PLCB1: variants seen among roughly 807,000 people sequenced by gnomAD.
The protein encoded by PLCB1 is 1-phosphatidylinositol 4,5-bisphosphate phosphodiesterase beta-1.
A neutral mutation model predicts 161.8 loss-of-function variants in PLCB1; 46 were observed. The observed-to-expected ratio is 0.28, with a 90% CI of 0.22 to 0.36. PLCB1 has a LOEUF of 0.36. Ranked by LOEUF, PLCB1 falls within the 10% of genes least tolerant of loss-of-function variation. The pLI is 1.00. For missense variants in PLCB1, 1,016 were observed against 1,472.5 expected (o/e 0.69, Z 5.07); for synonymous variants, 517 against 503.7 (o/e 1.03, Z -0.35).
At chr20:8,345,336 G>T (rs1313010577) in intron 2 of PLCB1, among the ~76,000 whole-genome samples, 1 of 152,142 alleles carries the variant, frequency 6.6e-6, no homozygotes, top group Non-Finnish European at 1.5e-5. Flanking sequence ...CAAGCCGGGG[G>T]TTTAGAACAT....
rs191912800 is a variant in PLCB1, at chr20:8,221,252, T to C, written c.177+70881T>C. ...CTTAAAAAAAGAAAGGTGACGGTTT[T>C]CATTTTGATTCAGGACTCGATCACC... is the stretch of plus-strand genomic sequence containing the variant. On this transcript the variant is annotated intron_variant, in intron 2 of 31. Transcript: ENST00000338037. Among the ~76,000 whole-genome samples the C allele has an allele frequency of 4.3e-3, 656 of 152,278 alleles. 1 individual carries two copies. Among genetic ancestry groups the C allele is most frequent in the African/African-American group, 0.015 (616 of 41,562 alleles).
rs542551104 is a variant in PLCB1, at chr20:8,288,627, G to A, written c.178-82755G>A. Among the ~76,000 whole-genome samples the A allele has an allele frequency of 7.0e-4, 106 of 152,176 alleles. 1 individual carries two copies. The highest frequency in any genetic ancestry group is 2.4e-3 in the African/African-American group (101 of 41,522). ...ATGCATAAACTTCCAGGCATCTTCGGCCAGGGTGGTACTCCTCAGCCAACA... is the reference window on the plus strand; with the variant it reads ...ATGCATAAACTTCCAGGCATCTTCGACCAGGGTGGTACTCCTCAGCCAACA... On this transcript the variant is annotated intron_variant, in intron 2 of 31. Coordinates refer to ENST00000338037, the MANE Select transcript of PLCB1 (RefSeq NM_015192.4).
At chr20:8,433,676 T>A (rs534956029) in intron 3 of PLCB1, among the ~76,000 whole-genome samples, 1 of 146,826 alleles carries the variant, frequency 6.8e-6, no homozygotes, top group African/African-American at 2.6e-5. Context: ...GAGTTAATGT[T>A]CAGTAAATGA....
At chr20:8,489,161 G>T (rs911452072) in intron 3 of PLCB1, among the ~76,000 whole-genome samples, 10 of 152,070 alleles carry the variant, frequency 6.6e-5, no homozygotes, top group Non-Finnish European at 1.5e-4. Flanking sequence ...TTCCTAAGAG[G>T]ATACGTCTAT....
chr20:8,347,576 T>C (rs1401712812), intron 2 of PLCB1, among the ~76,000 whole-genome samples: 1 of 152,238 alleles, frequency 6.6e-6, no homozygotes, highest in African/African-American at 2.4e-5. Flanking sequence ...CCTATGTAAG[T>C]AATTGATAGA....
chr20:8,717,979 A>T, intron 14 of PLCB1, 131 bp downstream of exon 14: 1 of 710,122 alleles, frequency 1.4e-6, no homozygotes, highest in Non-Finnish European at 2.1e-6. Flanking sequence ...TTATGAGGTC[A>T]GGAGTTCGAG....
At chr20:8,748,985 G>A (rs1981314945) in intron 23 of PLCB1, among the ~76,000 whole-genome samples, 1 of 152,132 alleles carries the variant, frequency 6.6e-6, no homozygotes, top group South Asian at 2.1e-4. Context: ...CAGATCACTT[G>A]AGAATCTTGT....
chr20:8,755,435 T>C (rs1331032025), intron 23 of PLCB1, among the ~76,000 whole-genome samples: 1 of 152,202 alleles, frequency 6.6e-6, no homozygotes, highest in Non-Finnish European at 1.5e-5. Context: ...GATAGCCTCA[T>C]TGTCAGTAAA....
chr20:8,660,541 C>T (rs1443100442), intron 9 of PLCB1, among the ~76,000 whole-genome samples: 2 of 152,086 alleles, frequency 1.3e-5, no homozygotes, highest in Non-Finnish European at 2.9e-5. Flanking sequence ...CAGGCTTCAG[C>T]TGGTATCCAA....
At chr20:8,492,807 A>G (rs1318041988) in intron 3 of PLCB1, among the ~76,000 whole-genome samples, 2 of 149,374 alleles carry the variant, frequency 1.3e-5, no homozygotes, top group Non-Finnish European at 3.0e-5. Context: ...ATTTGTTTTC[A>G]TGACTCAATT....
intron 10 of PLCB1, among the ~76,000 whole-genome samples, chr20:8,685,301 GTCT>G (rs1381005366): frequency 1.7e-5 from 2 of 114,974 alleles, no homozygotes; most frequent in Non-Finnish European, 4.0e-5. Context: ...AAGTTTTTAA[GTCT>G]TCTAAAATGC....
At chr20:8,754,227 T>C (rs1451763305) in intron 23 of PLCB1, among the ~76,000 whole-genome samples, 2 of 152,206 alleles carry the variant, frequency 1.3e-5, no homozygotes, top group Non-Finnish European at 2.9e-5. Flanking sequence ...AAGCAGAGAT[T>C]TATTTTTTCC....
intron 31 of PLCB1, among the ~76,000 whole-genome samples, chr20:8,811,253 G>A (rs960279541): frequency 3.3e-5 from 5 of 152,192 alleles, no homozygotes; most frequent in Non-Finnish European, 7.3e-5. Context: ...GATTAAACAG[G>A]AGACCAGGAA....
chr20:8,218,962 C>T (rs1286472212), intron 2 of PLCB1, among the ~76,000 whole-genome samples: 1 of 152,158 alleles, frequency 6.6e-6, no homozygotes, highest in African/African-American at 2.4e-5. Flanking sequence ...TTTTATTCTA[C>T]ACTGGATTTC....
intron 1 of PLCB1, among the ~76,000 whole-genome samples, chr20:8,138,858 T>C (rs1314952484): frequency 1.3e-5 from 2 of 152,174 alleles, no homozygotes; most frequent in Non-Finnish European, 2.9e-5. Flanking sequence ...ATGTGTTAAT[T>C]CTCAAAATTT....
chr20:8,769,637 G>T (rs1450969638), intron 26 of PLCB1, among the ~76,000 whole-genome samples: 1 of 152,122 alleles, frequency 6.6e-6, no homozygotes, highest in African/African-American at 2.4e-5. Context: ...ATTGTCATCA[G>T]CTGTCTCAGT....
chr20:8,178,975 C>T (rs573058885), intron 2 of PLCB1, among the ~76,000 whole-genome samples: 15 of 152,232 alleles, frequency 9.9e-5, no homozygotes, highest in African/African-American at 3.6e-4. Context: ...GCTCTCTATT[C>T]GGTTCCATTG....
At chr20:8,165,349 A>G (rs910405620) in intron 2 of PLCB1, among the ~76,000 whole-genome samples, 2 of 152,222 alleles carry the variant, frequency 1.3e-5, no homozygotes, top group Non-Finnish European at 2.9e-5. Flanking sequence ...TTATGTGGAC[A>G]AACTATCACA....
At chr20:8,725,017 C>T (rs958185503) in intron 16 of PLCB1, among the ~76,000 whole-genome samples, 5 of 152,068 alleles carry the variant, frequency 3.3e-5, no homozygotes, top group African/African-American at 1.2e-4. Context: ...ACATGGCTAT[C>T]GGAAAGACAC....
Sources: allele counts gnomAD v4.1 joint callset (sites outside exome capture counted in the v4.1 genomes callset), GRCh38; gene constraint gnomAD v4.1.1; transcripts MANE v1.5; gene names NCBI Gene and HGNC (gene_info 2026-07-23, HGNC 2026-07-21).